Variants in SEMA6D observed in about 807,000 individuals in gnomAD.
SEMA6D encodes the protein semaphorin-6D.
In SEMA6D, 35 loss-of-function variants were observed where a neutral mutation model predicts 106.6. The ratio of observed to expected loss-of-function variants is 0.33; its 90% confidence interval spans 0.25 to 0.44. The LOEUF is 0.44. Among genes scored for constraint, SEMA6D ranks in the 20% least tolerant of loss-of-function variants. The pLI, the probability that SEMA6D is intolerant of heterozygous loss-of-function variation, is 1.00. For missense variants in SEMA6D, 1,185 were observed against 1,345.9 expected (o/e 0.88, Z 1.87); for synonymous variants, 499 against 487.7 (o/e 1.02, Z -0.31).
intron 1 of SEMA6D, among the ~76,000 whole-genome samples, chr15:47,188,603 T>C (rs1038092878): frequency 1.3e-5 from 2 of 152,206 alleles, no homozygotes; most frequent in Non-Finnish European, 2.9e-5. Flanking sequence ...TAATTTATTA[T>C]CATATAAGAC....
chr15:47,731,043 T>C (rs770488344), intron 1 of SEMA6D: 8 of 577,238 alleles, frequency 1.4e-5, no homozygotes, highest in Admixed American at 3.0e-5. Flanking sequence ...TGAATGTGCA[T>C]GTAGCTACCT....
chr15:47,208,793 A>C (rs543334414), intron 1 of SEMA6D, among the ~76,000 whole-genome samples: 13 of 152,236 alleles, frequency 8.5e-5, no homozygotes, highest in African/African-American at 2.9e-4. Context: ...TGACTACCAG[A>C]TTGGTCTTGG....
intron 1 of SEMA6D, among the ~76,000 whole-genome samples, chr15:47,228,810 A>G (rs374994533): frequency 1.2e-4 from 19 of 152,030 alleles, no homozygotes; most frequent in Admixed American, 3.9e-4. Context: ...CTAGCCCTCT[A>G]TGGAGTGCCA....
At chr15:47,677,977 G>T (rs529425021) in intron 4 of SEMA6D, among the ~76,000 whole-genome samples, 1 of 152,134 alleles carries the variant, frequency 6.6e-6, no homozygotes, top group Non-Finnish European at 1.5e-5. Flanking sequence ...TAGAAAAAAA[G>T]GGAGTGTGAA....
At chr15:47,396,556 G>A (rs1427030222) in intron 1 of SEMA6D, 2 of 152,180 alleles carry the variant, frequency 1.3e-5, no homozygotes, top group African/African-American at 4.8e-5. Flanking sequence ...TCAAGGGCAG[G>A]AAGCATCCAG....
chr15:47,640,486 G>C (rs182092373), intron 4 of SEMA6D, among the ~76,000 whole-genome samples: 2 of 152,286 alleles, frequency 1.3e-5, no homozygotes, highest in Non-Finnish European at 2.9e-5. Context: ...GGAGCTCAAA[G>C]AAATGCCCCA....
chr15:47,282,677 CAGA>C (rs1207882512), intron 1 of SEMA6D, among the ~76,000 whole-genome samples: 1 of 152,048 alleles, frequency 6.6e-6, no homozygotes, highest in Non-Finnish European at 1.5e-5. Context: ...TTGTACAGAA[CAGA>C]AGGTGATAGC....
chr15:47,445,721 T>A (rs1346700092), intron 2 of SEMA6D, among the ~76,000 whole-genome samples: 1 of 146,782 alleles, frequency 6.8e-6, no homozygotes, highest in East Asian at 2.1e-4. Context: ...ACTTTTTATT[T>A]TTTACTATTC....
chr15:47,727,880 A>C (rs1400442065), intron 1 of SEMA6D, among the ~76,000 whole-genome samples: 2 of 152,154 alleles, frequency 1.3e-5, no homozygotes, highest in Admixed American at 6.5e-5. Flanking sequence ...GTCAGGATGG[A>C]ATTTTTTCCC....
intron 1 of SEMA6D, among the ~76,000 whole-genome samples, chr15:47,288,554 G>T (rs1160971444): frequency 6.6e-6 from 1 of 152,144 alleles, no homozygotes; most frequent in Non-Finnish European, 1.5e-5. Context: ...CCAAAGTCTG[G>T]TTATCCCTCC....
chr15:47,364,379 A>C (rs977171931), intron 1 of SEMA6D, among the ~76,000 whole-genome samples: 1 of 152,160 alleles, frequency 6.6e-6, no homozygotes, highest in African/African-American at 2.4e-5. Context: ...ACTGTCTCAT[A>C]ATCAGTCACT....
chr15:47,201,254 A>T (rs976731633), intron 1 of SEMA6D, among the ~76,000 whole-genome samples: 1 of 152,206 alleles, frequency 6.6e-6, no homozygotes, highest in Non-Finnish European at 1.5e-5. Context: ...TTTCAAAATA[A>T]AAACCATTAC....
chr15:47,544,137 G>C (rs1354521051), intron 3 of SEMA6D, among the ~76,000 whole-genome samples: 1 of 152,090 alleles, frequency 6.6e-6, no homozygotes, highest in African/African-American at 2.4e-5. Context: ...TTACTAAGTG[G>C]ATGCAACCAG....
intron 4 of SEMA6D, among the ~76,000 whole-genome samples, chr15:47,618,999 A>G (rs2077054536): frequency 6.6e-6 from 1 of 152,188 alleles, no homozygotes. Context: ...AGTTGAACCT[A>G]TGGGCCAGAA....
chr15:47,568,789 A>G (rs973674289), intron 3 of SEMA6D, among the ~76,000 whole-genome samples: 1 of 152,102 alleles, frequency 6.6e-6, no homozygotes, highest in South Asian at 2.1e-4. Flanking sequence ...TAGTGTATCT[A>G]TTTCCTCTAT....
chr15:47,454,599 G>GCACACGCACACA (rs1555442705), intron 2 of SEMA6D, among the ~76,000 whole-genome samples: 308 of 148,986 alleles, frequency 2.1e-3, no homozygotes, highest in African/African-American at 7.4e-3. Flanking sequence ...TTGCACATGT[G>GCACACGCACACA]CACACACACA....
chr15:47,322,074 C>A (rs1043928616), intron 1 of SEMA6D, among the ~76,000 whole-genome samples: 1 of 152,088 alleles, frequency 6.6e-6, no homozygotes. Context: ...GAATAAGACT[C>A]CAACCCAGAA....
intron 3 of SEMA6D, among the ~76,000 whole-genome samples, chr15:47,585,016 G>A (rs1038874104): frequency 2.0e-5 from 3 of 152,164 alleles, no homozygotes; most frequent in African/African-American, 7.2e-5. Flanking sequence ...ATGTATGAAG[G>A]CAGCAGGTGT....
chr15:47,259,220 T>C (rs1566956708), intron 1 of SEMA6D, among the ~76,000 whole-genome samples: 1 of 152,236 alleles, frequency 6.6e-6, no homozygotes, highest in Non-Finnish European at 1.5e-5. Flanking sequence ...AAGGATAGTC[T>C]ATTGGATGTA....
Sources: allele counts gnomAD v4.1 joint callset (sites outside exome capture counted in the v4.1 genomes callset), GRCh38; gene constraint gnomAD v4.1.1; transcripts MANE v1.5; gene names NCBI Gene and HGNC (gene_info 2026-07-23, HGNC 2026-07-21).